The following AOAH variants were observed in gnomAD, a reference collection of about 807,000 sequenced individuals.
AOAH encodes acyloxyacyl hydrolase.
Under a neutral mutation model 92.2 loss-of-function variants are expected in AOAH, and 64 were observed. That is an observed-to-expected ratio of 0.69 (90% CI 0.57 to 0.86). The LOEUF is 0.86. Among genes scored for constraint, AOAH ranks in the 40% least tolerant of loss-of-function variants. AOAH has a pLI of 0.00. For synonymous variants in AOAH, 263 were observed against 254.5 expected (o/e 1.03, Z -0.32); for missense variants, 656 against 694.6 (o/e 0.94, Z 0.62).
intron 5 of AOAH, among the ~76,000 whole-genome samples, chr7:36,636,223 G>A (rs1208866466): frequency 1.7e-4 from 26 of 152,164 alleles, no homozygotes; most frequent in Non-Finnish European, 5.9e-5. Context: ...GTAATCTGGA[G>A]AGCAAATAAA....
chr7:36,530,199 T>C (rs1005210557), intron 19 of AOAH, among the ~76,000 whole-genome samples: 10 of 152,232 alleles, frequency 6.6e-5, no homozygotes, highest in African/African-American at 2.4e-4. Flanking sequence ...TCTAAAATGA[T>C]GGTGAAGTAC....
chr7:36,646,673 T>C (rs1256959564), intron 4 of AOAH, among the ~76,000 whole-genome samples: 2 of 152,234 alleles, frequency 1.3e-5, no homozygotes, highest in Non-Finnish European at 2.9e-5. Context: ...TCAAGGTGTC[T>C]GCAGGGTTGG....
intron 3 of AOAH, among the ~76,000 whole-genome samples, chr7:36,663,012 C>T (rs1584060456): frequency 6.6e-6 from 1 of 152,186 alleles, no homozygotes; most frequent in Non-Finnish European, 1.5e-5. Context: ...TACTCTTGCT[C>T]AGCCTTGGGA....
chr7:36,544,181 G>A (rs750146906), intron 15 of AOAH, among the ~76,000 whole-genome samples: 8 of 151,940 alleles, frequency 5.3e-5, no homozygotes, highest in East Asian at 1.9e-4. Context: ...TCTTGACCTC[G>A]TGATCTGCCT....
At chr7:36,526,769 A>C (rs1784416158) in intron 19 of AOAH, among the ~76,000 whole-genome samples, 1 of 152,200 alleles carries the variant, frequency 6.6e-6, no homozygotes, top group African/African-American at 2.4e-5. Context: ...AATAGAAACA[A>C]GGGAGGAAGA....
intron 15 of AOAH, among the ~76,000 whole-genome samples, chr7:36,543,658 C>T (rs536902603): frequency 6.6e-6 from 1 of 152,148 alleles, no homozygotes; most frequent in Non-Finnish European, 1.5e-5. Flanking sequence ...GAAAGGGCAC[C>T]CACAAATTAA....
intron 6 of AOAH, among the ~76,000 whole-genome samples, chr7:36,627,836 G>GTAAC (rs1554300059): frequency 3.3e-5 from 5 of 152,080 alleles, no homozygotes; most frequent in African/African-American, 1.2e-4. Flanking sequence ...GGGAGCAATT[G>GTAAC]TAACTGTGGC....
intron 13 of AOAH, among the ~76,000 whole-genome samples, chr7:36,567,914 TC>T (rs1375606935): frequency 6.6e-6 from 1 of 152,226 alleles, no homozygotes; most frequent in African/African-American, 2.4e-5. Flanking sequence ...GGAAAAAGAA[TC>T]CTTTCCTTTA....
At chr7:36,639,948 G>T (rs545799838) in intron 4 of AOAH, among the ~76,000 whole-genome samples, 3 of 152,318 alleles carry the variant, frequency 2.0e-5, no homozygotes, top group Admixed American at 6.5e-5. Context: ...CGGTTCTCTG[G>T]GGCTCAATGT....
At chr7:36,536,252 G>A (rs1055163831) in intron 16 of AOAH, among the ~76,000 whole-genome samples, 1 of 152,116 alleles carries the variant, frequency 6.6e-6, no homozygotes, top group Non-Finnish European at 1.5e-5. Context: ...CTGACCAGGG[G>A]GTCTCCTACC....
chr7:36,587,718 T>C (rs74908120), intron 12 of AOAH, among the ~76,000 whole-genome samples: 4,118 of 152,324 alleles, frequency 0.027, 94 homozygotes, highest in Non-Finnish European at 0.04. Context: ...TACTAGCAGA[T>C]GCAAAGTTTT....
intron 15 of AOAH, among the ~76,000 whole-genome samples, chr7:36,545,331 C>T (rs1785732276): frequency 6.6e-6 from 1 of 152,226 alleles, no homozygotes; most frequent in Admixed American, 6.5e-5. Flanking sequence ...ATTCCCTTTG[C>T]TACCCATGTC....
At chr7:36,686,647 A>G in intron 2 of AOAH, 52 bp downstream of exon 2, 1 of 1,096,642 alleles carries the variant, frequency 9.1e-7, no homozygotes, top group South Asian at 2.0e-5. Context: ...ATCATGACTC[A>G]TGAGTGAGAG....
chr7:36,600,874 C>G (rs1790517757), intron 11 of AOAH, among the ~76,000 whole-genome samples: 1 of 152,230 alleles, frequency 6.6e-6, no homozygotes, highest in Non-Finnish European at 1.5e-5. Flanking sequence ...CTGCCGCCAT[C>G]TTTTCCTTCT....
intron 3 of AOAH, among the ~76,000 whole-genome samples, chr7:36,664,875 C>T (rs1316086858): frequency 1.3e-5 from 2 of 152,176 alleles, no homozygotes; most frequent in Non-Finnish European, 2.9e-5. Context: ...GGAAGTATCA[C>T]ATGAAGAATG....
At chr7:36,583,331 G>A (rs953232261) in intron 12 of AOAH, among the ~76,000 whole-genome samples, 1 of 152,134 alleles carries the variant, frequency 6.6e-6, no homozygotes, top group Non-Finnish European at 1.5e-5. Context: ...TTTCTGCTAG[G>A]AAAATTTAAG....
intron 6 of AOAH, among the ~76,000 whole-genome samples, chr7:36,627,742 C>G (rs1307470419): frequency 1.3e-5 from 2 of 152,148 alleles, no homozygotes; most frequent in Non-Finnish European, 2.9e-5. Context: ...ACATTCTATT[C>G]AATGACCATG....
chr7:36,594,848 A>G (rs1307249062), intron 11 of AOAH, among the ~76,000 whole-genome samples: 2 of 152,186 alleles, frequency 1.3e-5, no homozygotes, highest in Non-Finnish European at 2.9e-5. Flanking sequence ...CCCTGGGTTC[A>G]AAGCTATGGC....
chr7:36,532,422 C>T, intron 16 of AOAH, 78 bp from the exon 17 acceptor site: 18 of 1,351,892 alleles, frequency 1.3e-5, no homozygotes, highest in Non-Finnish European at 1.9e-5. Flanking sequence ...GCTTCCCTGC[C>T]TCCCTTGCAG....
Sources: allele counts gnomAD v4.1 joint callset (sites outside exome capture counted in the v4.1 genomes callset), GRCh38; gene constraint gnomAD v4.1.1; transcripts MANE v1.5; gene names NCBI Gene and HGNC (gene_info 2026-07-23, HGNC 2026-07-21).